Variants in RYR3 observed in about 807,000 individuals in gnomAD.
RYR3 encodes ryanodine receptor 3.
A neutral mutation model predicts 584.3 loss-of-function variants in RYR3; 207 were observed. The ratio of observed to expected loss-of-function variants is 0.35; its 90% CI spans 0.32 to 0.40. The LOEUF (loss-of-function observed/expected upper bound fraction) is 0.40, where lower values mean the gene tolerates loss of function less well. Among genes scored for constraint, RYR3 ranks in the 10% least tolerant of loss-of-function variants. The pLI, the probability that RYR3 is intolerant of heterozygous loss-of-function variation, is 1.00. For missense variants in RYR3, 5,616 were observed against 6,089.2 expected, an observed-to-expected ratio of 0.92 and a Z score of 2.59; for synonymous variants, 2,416 against 2,248.5, an observed-to-expected ratio of 1.07 and a Z score of -2.11.
chr15:33,520,416 G>A (rs1175904360), intron 3 of RYR3, among the ~76,000 whole-genome samples: 1 of 152,144 alleles, frequency 6.6e-6, no homozygotes, highest in African/African-American at 2.4e-5. Context: ...TTGACCCTTT[G>A]TGGTCACTGG....
chr15:33,562,795 A>G, intron 10 of RYR3, 42 bp from the exon 11 acceptor site: 1 of 1,471,790 alleles, frequency 6.8e-7, no homozygotes. Context: ...TTCTAATTTA[A>G]TCAGCTATGC....
At position 33,801,853 on chromosome 15, in the gene RYR3, ATTCT is replaced by A. The variant is rs1480549295; in HGVS notation, c.9919-12_9919-9del. 1 of 1,362,202 alleles carries A rather than the reference ATTCT, an allele frequency of 7.3e-7. No individual in the cohort carries two copies. Among genetic ancestry groups the A allele is most frequent in the Non-Finnish European group, 1.0e-6 (1 of 974,248 alleles). The allele number at this position is 1,362,202 out of a possible 1,614,324, so 84.4% of individuals were successfully genotyped here. ...CTTTCTTGTAATGTTTGCTGTTTCA[ATTCT>A]TTCCCACTTAGAACTTCAAGAGAGA... is the stretch of plus-strand genomic sequence containing the variant. On this transcript the variant is annotated splice_polypyrimidine_tract_variant and intron_variant, in intron 68 of 103. Coordinates refer to ENST00000634891, the MANE Select transcript of RYR3 (RefSeq NM_001036.6).
At chr15:33,357,901 T>C (rs1034463501) in intron 1 of RYR3, among the ~76,000 whole-genome samples, 5 of 152,176 alleles carry the variant, frequency 3.3e-5, no homozygotes, top group African/African-American at 1.2e-4. Flanking sequence ...TTACGTTGGA[T>C]CAGATGGAAA....
chr15:33,345,207 T>A (rs1346997964), intron 1 of RYR3, among the ~76,000 whole-genome samples: 3 of 152,156 alleles, frequency 2.0e-5, no homozygotes, highest in Non-Finnish European at 4.4e-5. Flanking sequence ...GCCTACCTAC[T>A]CTTCAGCAAT....
intron 12 of RYR3, among the ~76,000 whole-genome samples, chr15:33,578,712 C>G (rs2058430393): frequency 6.6e-6 from 1 of 151,436 alleles, no homozygotes; most frequent in African/African-American, 2.4e-5. Context: ...CACCGTGGCA[C>G]ACGTCTGTGT....
At chr15:33,448,237 G>A (rs777425240) in intron 1 of RYR3, among the ~76,000 whole-genome samples, 35 of 152,172 alleles carry the variant, frequency 2.3e-4, no homozygotes, top group Admixed American at 2.0e-4. Flanking sequence ...GCCAGCTGCT[G>A]GCCTCGAGAA....
At chr15:33,437,073 A>G (rs1242596162) in intron 1 of RYR3, among the ~76,000 whole-genome samples, 1 of 151,954 alleles carries the variant, frequency 6.6e-6, no homozygotes, top group East Asian at 1.9e-4. Flanking sequence ...CTCTGTCAAT[A>G]TCAAGATTCC....
intron 32 of RYR3, among the ~76,000 whole-genome samples, chr15:33,656,374 C>G (rs2062823570): frequency 6.6e-6 from 1 of 152,190 alleles, no homozygotes; most frequent in South Asian, 2.1e-4. Flanking sequence ...GAGGCCCTCT[C>G]CTGTGCTCAC....
chr15:33,809,745 C>T (rs1210268608), intron 70 of RYR3, among the ~76,000 whole-genome samples: 1 of 151,960 alleles, frequency 6.6e-6, no homozygotes, highest in African/African-American at 2.4e-5. Context: ...AAGCGATTGT[C>T]CTGCCTCAGC....
intron 51 of RYR3, among the ~76,000 whole-genome samples, chr15:33,740,376 A>T (rs1382606193): frequency 6.6e-6 from 1 of 152,188 alleles, no homozygotes; most frequent in Non-Finnish European, 1.5e-5. Context: ...ATCATACATC[A>T]CAACAGCTCC....
chr15:33,696,561 T>G (rs2065879145), intron 39 of RYR3, 70 bp downstream of exon 39: 1 of 1,441,998 alleles, frequency 6.9e-7, no homozygotes, highest in Non-Finnish European at 9.6e-7. Flanking sequence ...TACCTTGATA[T>G]AGAGATATAG....
intron 2 of RYR3, among the ~76,000 whole-genome samples, chr15:33,477,853 C>T (rs1357956020): frequency 9.6e-4 from 99 of 103,584 alleles, no homozygotes; most frequent in East Asian, 8.6e-4. Flanking sequence ...CCAGCCTGGG[C>T]GACAGAGCGA....
At chr15:33,582,225 G>C (rs75125417) in intron 14 of RYR3, among the ~76,000 whole-genome samples, 1 of 152,194 alleles carries the variant, frequency 6.6e-6, no homozygotes, top group Non-Finnish European at 1.5e-5. Context: ...ATGGGTGGGA[G>C]GCAGAGAGAA....
At chr15:33,508,054 G>A (rs1596412532) in intron 3 of RYR3, among the ~76,000 whole-genome samples, 1 of 152,094 alleles carries the variant, frequency 6.6e-6, no homozygotes, top group Non-Finnish European at 1.5e-5. Flanking sequence ...GTTCTGACAT[G>A]AACTGGCATA....
intron 88 of RYR3, 91 bp from the exon 89 acceptor site, chr15:33,837,540 C>G (rs2078122826): frequency 1.4e-6 from 2 of 1,411,072 alleles, no homozygotes; most frequent in South Asian, 1.5e-5. Context: ...TAATTTGGCA[C>G]AAAAGTCTTC....
intron 10 of RYR3, among the ~76,000 whole-genome samples, chr15:33,555,165 A>C (rs905251324): frequency 3.3e-5 from 5 of 152,178 alleles, no homozygotes; most frequent in African/African-American, 4.8e-5. Flanking sequence ...GCCAAATGTG[A>C]CTTCCCTGCC....
intron 21 of RYR3, 136 bp downstream of exon 21, chr15:33,628,711 A>G: frequency 1.7e-6 from 1 of 598,138 alleles, no homozygotes; most frequent in South Asian, 2.1e-5. Context: ...TCACAGACAG[A>G]ACCAGAAGTG....
chr15:33,425,470 A>G (rs1386621675), intron 1 of RYR3, among the ~76,000 whole-genome samples: 1 of 152,124 alleles, frequency 6.6e-6, no homozygotes, highest in Non-Finnish European at 1.5e-5. Context: ...CTAAAACTAC[A>G]GAGAGAAGAG....
Position 33,643,030 on chromosome 15 carries a change from G to A in RYR3, c.3557-1281G>A, listed in dbSNP as rs114322080. ...AACTTGTTATTTACATAGAAATTTC[G>A]TGGCTTAGATAATAGTATATAAGCC... is the stretch of plus-strand genomic sequence containing the variant. On this transcript the variant is annotated intron_variant, in intron 27 of 103. Coordinates refer to ENST00000634891, the MANE Select transcript of RYR3 (RefSeq NM_001036.6). Among the ~76,000 whole-genome samples the A allele has an allele frequency of 3.1e-3, 475 of 152,250 alleles. 2 individuals are homozygous for A. The highest frequency in any genetic ancestry group is 0.011 in the African/African-American group (440 of 41,536).
Sources: gnomAD v4.1 joint callset for allele counts (sites outside exome capture counted in the v4.1 genomes callset) on GRCh38, gnomAD v4.1.1 for gene constraint, MANE v1.5 for transcripts, NCBI Gene and HGNC (gene_info 2026-07-23, HGNC 2026-07-21) for gene names.